Variants in EPB41L4B observed in about 807,000 individuals in gnomAD.
The protein encoded by EPB41L4B is band 4.1-like protein 4B.
EPB41L4B carries 30 observed loss-of-function variants against 112.5 expected under a neutral mutation model. That is an observed-to-expected ratio of 0.27 (90% CI 0.20 to 0.36). The LOEUF (loss-of-function observed/expected upper bound fraction) is 0.36, where lower values mean the gene tolerates loss of function less well. EPB41L4B is among the 10% of genes least tolerant of loss of function. The probability of loss-of-function intolerance (pLI) is 1.00; values close to 1 mark genes in which losing one functional copy is unlikely to be tolerated. For synonymous variants in EPB41L4B, 408 were observed against 439.7 expected (o/e 0.93, Z 0.90); for missense variants, 1,024 against 1,133.3 (o/e 0.90, Z 1.38).
In EPB41L4B at chr9:109,263,065, C is replaced by A; in HGVS notation, c.616G>T (p.Ala206Ser). Residue 206 changes from alanine (A) to serine (S), a missense_variant, in exon 6 of 26, where the codon GCT (alanine) becomes TCT (serine). Physicochemically the swap from Ala to Ser is moderately conservative, Grantham distance 99 (BLOSUM62 1). Transcript: ENST00000374566. ...ATTAATGTACCTTGTAGACAGAGAG[C>A]AGCTAATTCCACAGCTGTTTCATAA... ...CPYETAVELAALCLQAELGEC... is the reference protein window; with the variant it reads ...CPYETAVELASLCLQAELGEC... 6.3e-7 allele frequency: 1 copy of A among 1,595,602 alleles called. No homozygotes were observed. The highest frequency in any genetic ancestry group is 1.1e-5 in the South Asian group (1 of 88,896).
At position 109,233,801 on chromosome 9, in the gene EPB41L4B, C is replaced by T. The variant is rs566764943; in HGVS notation, c.1409+9817G>A. Among the ~76,000 whole-genome samples, 21 of 152,136 alleles carry T rather than the reference C, an allele frequency of 1.4e-4. No homozygotes were observed. The East Asian group carries it at 2.5e-3, about 18-fold the overall frequency. ...CCAACCTCGGCCTCCCAAAGTGCTA[C>T]GATTACAGGCATGAGCCACCACGCT... is the stretch of plus-strand genomic sequence containing the variant. On this transcript the variant is annotated intron_variant, in intron 15 of 25. Transcript: ENST00000374566.
rs368958892 is a variant in EPB41L4B, at chr9:109,253,554, G to C, written c.1170-4C>G. 1 of 1,585,848 alleles carries C rather than the reference G, an allele frequency of 6.3e-7. No individual in the cohort carries two copies. The highest frequency in any genetic ancestry group is 8.7e-7 in the Non-Finnish European group (1 of 1,154,996). On this transcript the variant is annotated splice_region_variant and splice_polypyrimidine_tract_variant and intron_variant, in intron 11 of 25. Coordinates refer to ENST00000374566, the MANE Select transcript of EPB41L4B (RefSeq NM_019114.5). ...AGCTTGATATTCTGTCCGCCCACTG[G>C]GAAGTAAATATTTTCTCGTGTGTTA...
chr9:109,211,081 T>C (rs1833149193), intron 17 of EPB41L4B, among the ~76,000 whole-genome samples: 1 of 152,220 alleles, frequency 6.6e-6, no homozygotes, highest in African/African-American at 2.4e-5. Context: ...GCACAAACTT[T>C]GGAACTGGAC....
In EPB41L4B at chr9:109,251,467, TC is replaced by T. The variant is rs1425074999; in HGVS notation, c.1310+13del. On this transcript the variant is annotated intron_variant, in intron 13 of 25. Transcript: ENST00000374566. ...AGAGAGGAGAGCTGTGCTCTAGAGC[TC>T]AAGGACACTCACCAGAGCTGGGCTG... 1 of 1,611,514 alleles carries T rather than the reference TC, an allele frequency of 6.2e-7. No individual in the cohort carries two copies. The highest frequency in any genetic ancestry group is 1.1e-5 in the South Asian group (1 of 91,030).
chr9:109,251,551 C>A, intron 12 of EPB41L4B, 40 bp from the exon 13 acceptor site: 1 of 1,591,560 alleles, frequency 6.3e-7, no homozygotes, highest in Non-Finnish European at 8.6e-7. Flanking sequence ...TCTTAGAGAA[C>A]TTTATCGCTT....
intron 20 of EPB41L4B, among the ~76,000 whole-genome samples, chr9:109,195,618 G>A (rs1435793174): frequency 6.6e-6 from 1 of 152,224 alleles, no homozygotes; most frequent in Non-Finnish European, 1.5e-5. Context: ...AGAATCAGAT[G>A]ATATTTAGCA....
intron 15 of EPB41L4B, among the ~76,000 whole-genome samples, chr9:109,226,083 A>G (rs1833749574): frequency 6.6e-6 from 1 of 152,162 alleles, no homozygotes; most frequent in Non-Finnish European, 1.5e-5. Context: ...TTGTGATGCC[A>G]TCTTCATATG....
At chr9:109,309,202 A>T (rs1219725514) in intron 1 of EPB41L4B, among the ~76,000 whole-genome samples, 1 of 152,206 alleles carries the variant, frequency 6.6e-6, no homozygotes, top group Non-Finnish European at 1.5e-5. Context: ...CTTAGGGTCC[A>T]TATATAGTTC....
intron 25 of EPB41L4B, among the ~76,000 whole-genome samples, chr9:109,175,904 A>G (rs1219445073): frequency 6.6e-6 from 1 of 152,134 alleles, no homozygotes; most frequent in Non-Finnish European, 1.5e-5. Context: ...TGCTCTGCGC[A>G]GTACTCCTCC....
chr9:109,317,258 C>A (rs891087732), intron 1 of EPB41L4B, among the ~76,000 whole-genome samples: 4 of 152,254 alleles, frequency 2.6e-5, no homozygotes, highest in Non-Finnish European at 4.4e-5. Flanking sequence ...CCAAGGGACA[C>A]TGGATCTGAG....
intron 1 of EPB41L4B, among the ~76,000 whole-genome samples, chr9:109,299,566 G>C (rs1836876292): frequency 1.3e-5 from 2 of 152,100 alleles, no homozygotes; most frequent in Non-Finnish European, 2.9e-5. Context: ...TGGATTATAG[G>C]CATGAGCCAT....
At chr9:109,178,337 CATGAGTTTCTA>C in intron 24 of EPB41L4B, among the ~76,000 whole-genome samples, 1 of 150,960 alleles carries the variant, frequency 6.6e-6, no homozygotes, top group South Asian at 2.1e-4. Context: ...AAACTTATTA[CATGAGTTTCTA>C]AAGAAGACAC....
intron 1 of EPB41L4B, among the ~76,000 whole-genome samples, chr9:109,295,677 T>C (rs1415732192): frequency 6.6e-6 from 1 of 152,122 alleles, no homozygotes; most frequent in Non-Finnish European, 1.5e-5. Context: ...GGCGACTGTA[T>C]TATGGACATT....
chr9:109,174,534 C>T lies in EPB41L4B; in HGVS notation c.*20G>A. The T allele has an allele frequency of 2.5e-6, 4 of 1,606,960 alleles. No homozygotes were observed. Among genetic ancestry groups the T allele is most frequent in the Non-Finnish European group, 3.4e-6 (4 of 1,173,454 alleles). On this transcript the variant is annotated 3_prime_UTR_variant, in exon 26 of 26. Transcript: ENST00000374566. ...GGACAGAAGGCACCATGCCATCTTC[C>T]AGGTGACAAGGGGAGAATTTCACAG...
At chr9:109,201,455 A>G (rs111273618) in intron 19 of EPB41L4B, among the ~76,000 whole-genome samples, 33 of 137,994 alleles carry the variant, frequency 2.4e-4, no homozygotes, top group Non-Finnish European at 4.6e-5. Flanking sequence ...GTCTCAAAAA[A>G]AAAAAAAAAA....
chr9:109,255,890 A>G (rs1023993183), intron 9 of EPB41L4B, 47 bp from the exon 10 acceptor site: 2 of 1,518,710 alleles, frequency 1.3e-6, no homozygotes, highest in Admixed American at 1.9e-5. Context: ...CAGTAAAACT[A>G]TCTACACATC....
At chr9:109,244,434 C>CTTT (rs573807379) in intron 14 of EPB41L4B, among the ~76,000 whole-genome samples, 5 of 48,514 alleles carry the variant, frequency 1.0e-4, no homozygotes, top group Non-Finnish European at 1.7e-4. Context: ...TGAAGGTTGT[C>CTTT]TTTTTTTTTT....
chr9:109,176,027 TCCCTTGTCAATATCACACACACG>T (rs1831812684), intron 25 of EPB41L4B, among the ~76,000 whole-genome samples: 3 of 147,780 alleles, frequency 2.0e-5, no homozygotes, highest in African/African-American at 2.5e-5. Flanking sequence ...TTCCTCCCTA[TCCCTTGTCAATATCACACACACG>T]CACACACACA....
intron 23 of EPB41L4B, among the ~76,000 whole-genome samples, chr9:109,184,087 G>T (rs919451725): frequency 1.3e-5 from 2 of 152,054 alleles, no homozygotes; most frequent in Non-Finnish European, 2.9e-5. Context: ...AAGGACCCTT[G>T]GGGTGAAGTC....
Sources: allele counts gnomAD v4.1 joint callset (sites outside exome capture counted in the v4.1 genomes callset), GRCh38; gene constraint gnomAD v4.1.1; transcripts MANE v1.5; gene names NCBI Gene and HGNC (gene_info 2026-07-23, HGNC 2026-07-21).